PALS1: variants seen among roughly 807,000 people sequenced by gnomAD.
The protein encoded by PALS1 is protein associated with LIN7 1, MAGUK p55 family member.
In PALS1, 31 loss-of-function variants were observed where a neutral mutation model predicts 78.9. The ratio of observed to expected loss-of-function variants is 0.39; its 90% CI spans 0.30 to 0.53. The LOEUF (loss-of-function observed/expected upper bound fraction) is 0.53. Among genes scored for constraint, PALS1 ranks in the 20% least tolerant of loss-of-function variants. The pLI, the probability that PALS1 is intolerant of heterozygous loss-of-function variation, is 0.67. For synonymous variants in PALS1, 276 were observed against 270.9 expected (o/e 1.02, Z -0.18); for missense variants, 704 against 826.5 (o/e 0.85, Z 1.82).
intron 1 of PALS1, among the ~76,000 whole-genome samples, chr14:67,264,430 T>TA (rs1380501533): frequency 1.3e-5 from 2 of 151,294 alleles, no homozygotes; most frequent in South Asian, 2.1e-4. Flanking sequence ...GGGGTCAAAT[T>TA]AAAAAAAATC....
chr14:67,298,725 T>C (rs2084893638), intron 4 of PALS1, among the ~76,000 whole-genome samples: 2 of 152,312 alleles, frequency 1.3e-5, no homozygotes, highest in Admixed American at 6.5e-5. Context: ...TCAGTGTATT[T>C]TGACATATAT....
At chr14:67,289,902 C>G (rs1471357362) in intron 3 of PALS1, among the ~76,000 whole-genome samples, 1 of 151,548 alleles carries the variant, frequency 6.6e-6, no homozygotes, top group African/African-American at 2.4e-5. Context: ...TCTCGAGTAG[C>G]TGGGACTACA....
chr14:67,302,998 C>T (rs1046975139), intron 7 of PALS1, among the ~76,000 whole-genome samples: 12 of 151,944 alleles, frequency 7.9e-5, no homozygotes, highest in Non-Finnish European at 1.5e-4. Context: ...CTGCAGTGTC[C>T]GGCATAATAA....
At position 67,279,190 on chromosome 14, in the gene PALS1, A is replaced by G; in HGVS notation, c.20A>G (p.Asn7Ser). 1 of 1,599,672 alleles carries G rather than the reference A, an allele frequency of 6.3e-7. No individual in the cohort carries two copies. The highest frequency in any genetic ancestry group is 8.5e-7 in the Non-Finnish European group (1 of 1,174,540). The change falls in exon 3 of 15, where the codon AAT becomes AGT. Residue 7 changes from asparagine (N) to serine (S), a missense_variant. Asn to Ser is a conservative substitution (Grantham distance 46, BLOSUM62 1). Coordinates refer to ENST00000261681, the MANE Select transcript of PALS1 (RefSeq NM_022474.4). ...ATAACCATGACAACATCCCATATGA[A>G]TGGGCATGTTACAGAGGAATCAGAC... MTTSHM[N>S]GHVTEESDSE...
chr14:67,322,621 T>C (rs1268636896), intron 13 of PALS1, among the ~76,000 whole-genome samples: 1 of 152,222 alleles, frequency 6.6e-6, no homozygotes, highest in East Asian at 1.9e-4. Context: ...ACTTAGGCTC[T>C]ACTATTTCAA....
intron 14 of PALS1, among the ~76,000 whole-genome samples, chr14:67,324,629 G>T (rs2085322088): frequency 6.6e-6 from 1 of 152,004 alleles, no homozygotes; most frequent in Admixed American, 6.6e-5. Context: ...CTATTGCCCA[G>T]GCTGGAGTGT....
chr14:67,278,264 GAC>G (rs750411573), intron 2 of PALS1, among the ~76,000 whole-genome samples: 1 of 151,632 alleles, frequency 6.6e-6, no homozygotes, highest in African/African-American at 2.4e-5. Context: ...TCGAACTCCC[GAC>G]CTCAGGTGAT....
chr14:67,300,000 C>A (rs2084910388), intron 4 of PALS1, among the ~76,000 whole-genome samples: 1 of 152,144 alleles, frequency 6.6e-6, no homozygotes, highest in Non-Finnish European at 1.5e-5. Flanking sequence ...CTTTTAAAAA[C>A]AACTTTTAGT....
chr14:67,276,754 A>G (rs916294036), intron 2 of PALS1, among the ~76,000 whole-genome samples: 1 of 152,200 alleles, frequency 6.6e-6, no homozygotes, highest in East Asian at 1.9e-4. Flanking sequence ...TTTTTCTGAG[A>G]GCAAAGGTTG....
chr14:67,332,860 G>C lies in PALS1; in HGVS notation c.1932G>C (p.Val644=). The change falls in exon 15 of 15, where the codon GTG becomes GTC. Residue 644 remains valine, a synonymous_variant. Coordinates refer to ENST00000261681, the MANE Select transcript of PALS1 (RefSeq NM_022474.4). ...NNGHYFDTAI[V]NSDLDKAYQE... is the part of the protein sequence containing the mutation. ...GCCACTACTTTGATACGGCAATTGT[G>C]AATTCCGATCTTGATAAAGCCTATC... 6.2e-7 allele frequency: 1 copy of C among 1,614,026 alleles called. No homozygotes were observed. Among genetic ancestry groups the C allele is most frequent in the Non-Finnish European group, 8.5e-7 (1 of 1,179,898 alleles).
chr14:67,325,982 T>TTC (rs2085348220), intron 14 of PALS1, among the ~76,000 whole-genome samples: 1 of 144,060 alleles, frequency 6.9e-6, no homozygotes, highest in African/African-American at 2.6e-5. Context: ...CTCTTTTCTT[T>TTC]TTTTTTTTTT....
chr14:67,325,230 C>T (rs2085334052), intron 14 of PALS1, among the ~76,000 whole-genome samples: 1 of 152,142 alleles, frequency 6.6e-6, no homozygotes, highest in African/African-American at 2.4e-5. Context: ...CTGTCCACCA[C>T]AACACATTAA....
intron 14 of PALS1, among the ~76,000 whole-genome samples, chr14:67,327,461 G>C (rs920895769): frequency 6.6e-6 from 1 of 151,906 alleles, no homozygotes; most frequent in East Asian, 1.9e-4. Context: ...GGTGTGGGGG[G>C]AAGGTTTTAA....
chr14:67,295,413 C>G (rs1201567426), intron 4 of PALS1, among the ~76,000 whole-genome samples: 1 of 151,556 alleles, frequency 6.6e-6, no homozygotes, highest in African/African-American at 2.4e-5. Context: ...TCACTTAAAC[C>G]CGGGAGGCAA....
chr14:67,287,878 T>A (rs1368417342), intron 3 of PALS1, among the ~76,000 whole-genome samples: 1 of 152,206 alleles, frequency 6.6e-6, no homozygotes. Flanking sequence ...TATTTTAGTG[T>A]CCTTTTGAGT....
Position 67,333,154 on chromosome 14 carries a change from C to A in PALS1, c.*198C>A. On this transcript the variant is annotated 3_prime_UTR_variant, in exon 15 of 15. Transcript: ENST00000261681. The stretch of plus-strand genomic sequence containing the variant: ...TGCATGGCATCCTTTATTCTCTATA[C>A]ATGGCTTTAGCGGTTCTTGCCTCAT... 2.2e-6 allele frequency: 1 copy of A among 462,458 alleles called. No homozygotes were observed. The highest frequency in any genetic ancestry group is 3.8e-6 in the Non-Finnish European group (1 of 261,844). 28.6% of individuals were successfully genotyped at this position (462,458 alleles called of 1,614,324 possible). A position where few individuals can be genotyped will look rare whatever the true frequency, so the allele number is the denominator to read the frequency against.
intron 1 of PALS1, among the ~76,000 whole-genome samples, chr14:67,259,673 G>A (rs2084204071): frequency 6.6e-6 from 1 of 152,054 alleles, no homozygotes; most frequent in Admixed American, 6.6e-5. Flanking sequence ...CGCCCTGAGA[G>A]GCTGAGGCAG....
intron 3 of PALS1, among the ~76,000 whole-genome samples, chr14:67,284,423 A>T (rs371061719): frequency 7.0e-6 from 1 of 143,440 alleles, no homozygotes; most frequent in Admixed American, 7.0e-5. Context: ...CATAGACCCT[A>T]TCTCTTAAAA....
chr14:67,323,756 C>T lies in PALS1; in HGVS notation c.1795C>T (p.Pro599Ser). ...DLKPYIIFIA[P>S]PSQERLRALL... ...GAAACCATATATTATCTTCATTGCA[C>T]CCCCTTCACAAGAAAGACTTCGGGC... Residue 599 changes from proline (P) to serine (S), a missense_variant, in exon 14 of 15, where the codon CCC (proline) becomes TCC (serine). Transcript: ENST00000261681. 1.2e-6 allele frequency: 2 copies of T among 1,605,464 alleles called. No individual in the cohort carries two copies. Among genetic ancestry groups the T allele is most frequent in the South Asian group, 1.1e-5 (1 of 89,662 alleles).
Sources: allele counts gnomAD v4.1 joint callset (sites outside exome capture counted in the v4.1 genomes callset), GRCh38; gene constraint gnomAD v4.1.1; transcripts MANE v1.5; gene names NCBI Gene and HGNC (gene_info 2026-07-23, HGNC 2026-07-21).